Variants in ERI2 observed in about 807,000 individuals in gnomAD.
ERI2 encodes ERI1 exoribonuclease family member 2, also known as ERI1 exoribonuclease 2.
A neutral mutation model predicts 46.8 loss-of-function variants in ERI2; 35 were observed. The observed-to-expected ratio is 0.75, with a 90% CI of 0.57 to 0.99. The LOEUF (loss-of-function observed/expected upper bound fraction) is 0.99. ERI2 is among the 50% of genes least tolerant of loss of function. The probability of loss-of-function intolerance (pLI) is 0.00; values close to 1 mark genes in which losing one functional copy is unlikely to be tolerated. For synonymous variants in ERI2, 224 were observed against 271.0 expected, an observed-to-expected ratio of 0.83 and a Z score of 1.70; for missense variants, 695 against 796.2, an observed-to-expected ratio of 0.87 and a Z score of 1.53.
At position 20,797,927 on chromosome 16, in the gene ERI2, C is replaced by T. The variant is rs369970900; in HGVS notation, c.1873G>A (p.Gly625Arg). 124 of 1,551,702 alleles carry T rather than the reference C, an allele frequency of 8.0e-5. 2 individuals are homozygous for T. The Middle Eastern group carries it at 1.3e-3, about 17-fold the overall frequency. ...HGKVFYCCPI[G>R]KYQENRKCCG... is the part of the protein sequence containing the mutation. ...CATTTTCTGTTTTCTTGGTATTTCC[C>T]GATAGGGCAACAATAGAAGACTTTT... Residue 625 changes from glycine (G) to arginine (R), a missense_variant, in exon 9 of 9, where the codon GGG (glycine) becomes AGG (arginine). Coordinates refer to ENST00000357967, the MANE Select transcript of ERI2 (RefSeq NM_001142725.2).
chr16:20,792,387 T>A (rs764887199), downstream of ERI2: 1 of 1,603,356 alleles, frequency 6.2e-7, no homozygotes. Context: ...ATTTAACACA[T>A]ACTTACAAAC....
Position 20,796,614 on chromosome 16 carries a change from A to G in ERI2, c.*1110T>C. ...CCACATGTCCCAAACTGAACTGATGACATATGGGTAAGAATCAGAATCTTT... is the reference window on the plus strand; with the variant it reads ...CCACATGTCCCAAACTGAACTGATGGCATATGGGTAAGAATCAGAATCTTT... On this transcript the variant is annotated 3_prime_UTR_variant, in exon 9 of 9. Transcript: ENST00000357967. 6.5e-7 allele frequency: 1 copy of G among 1,528,766 alleles called. No individual in the cohort carries two copies. The highest frequency in any genetic ancestry group is 8.7e-7 in the Non-Finnish European group (1 of 1,147,988). The allele number at this position is 1,528,766 out of a possible 1,614,324, so 94.7% of individuals were successfully genotyped here. A position where few individuals can be genotyped will look rare whatever the true frequency, so the allele number is the denominator to read the frequency against.
chr16:20,781,151 G>C, intron 10 of ERI2: 1 of 1,612,880 alleles, frequency 6.2e-7, no homozygotes, highest in East Asian at 2.2e-5. Flanking sequence ...GCACAAAGAG[G>C]TCAATATTTA....
intron 4 of ERI2, among the ~76,000 whole-genome samples, chr16:20,801,583 CCCA>C (rs1009912241): frequency 1.4e-4 from 21 of 152,036 alleles, no homozygotes; most frequent in African/African-American, 5.1e-4. Context: ...ATATTTAGAA[CCCA>C]CCAAGGTAAG....
rs2080731887 is a variant in ERI2, at chr16:20,796,795, C to T, written c.*929G>A. 6.4e-6 allele frequency: 10 copies of T among 1,567,968 alleles called. No homozygotes were observed. In the South Asian group the frequency reaches 1.2e-4, roughly 19 times the overall value. ...ATTCCAAAGACTATTCTAATTCTTCCACCTAGAATTCATAATCAAACTGCT... is the reference window on the plus strand; with the variant it reads ...ATTCCAAAGACTATTCTAATTCTTCTACCTAGAATTCATAATCAAACTGCT... On this transcript the variant is annotated 3_prime_UTR_variant, in exon 9 of 9. Coordinates refer to ENST00000357967, the MANE Select transcript of ERI2 (RefSeq NM_001142725.2).
At chr16:20,791,460 T>G (rs2080595342), downstream of ERI2, among the ~76,000 whole-genome samples, 1 of 152,248 alleles carries the variant, frequency 6.6e-6, no homozygotes, top group South Asian at 2.1e-4. Context: ...TTGTAATCTA[T>G]CTAAGAAAAA....
At chr16:20,782,147 C>A (rs2080365344) in intron 10 of ERI2, among the ~76,000 whole-genome samples, 1 of 152,264 alleles carries the variant, frequency 6.6e-6, no homozygotes, top group East Asian at 1.9e-4. Flanking sequence ...GGATGCATAT[C>A]TTTTATTCTA....
At chr16:20,781,035 A>G (rs1374118718) in intron 10 of ERI2, 2 of 1,614,198 alleles carry the variant, frequency 1.2e-6, no homozygotes, top group South Asian at 2.2e-5. Flanking sequence ...GGGCTGGGCA[A>G]AGTCTGCATG....
At chr16:20,786,342 G>T in intron 10 of ERI2, 1 of 1,243,412 alleles carries the variant, frequency 8.0e-7, no homozygotes, top group Non-Finnish European at 1.1e-6. Flanking sequence ...CCATTATTTT[G>T]CAAATACCCA....
intron 10 of ERI2, among the ~76,000 whole-genome samples, chr16:20,786,517 C>CA (rs1187116830): frequency 6.6e-6 from 1 of 151,804 alleles, no homozygotes; most frequent in Non-Finnish European, 1.5e-5. Context: ...TTTGTCTCTA[C>CA]AAAAAAATAT....
exon 11 of ERI2, chr16:20,780,360 G>A: frequency 2.4e-6 from 1 of 416,740 alleles, no homozygotes; most frequent in South Asian, 3.0e-5. Context: ...GGGAGGGAAG[G>A]GGAAAATTCT....
At chr16:20,794,420 G>A (rs1229467454), downstream of ERI2, among the ~76,000 whole-genome samples, 1 of 152,146 alleles carries the variant, frequency 6.6e-6, no homozygotes, top group East Asian at 1.9e-4. Context: ...CATCCAATGC[G>A]ATAGCCATGC....
chr16:20,800,378 TCCAGGCAAACCCCCAAGTC>T lies in ERI2; in HGVS notation c.466_484del (p.Asp156SerfsTer10), dbSNP rs1275315581. 1 of 1,609,394 alleles carries T rather than the reference TCCAGGCAAACCCCCAAGTC, an allele frequency of 6.2e-7. No homozygotes were observed. ...CAGCTGCTTTCTTTTACACTCATAC[TCCAGGCAAACCCCCAAGTC>T]CCAGTCTGCATTAGGTACATTAAAA... On this transcript the variant is annotated frameshift_variant, in exon 6 of 9. Coordinates refer to ENST00000357967, the MANE Select transcript of ERI2 (RefSeq NM_001142725.2). LOFTEE classifies it high-confidence loss of function.
intron 10 of ERI2, among the ~76,000 whole-genome samples, chr16:20,788,332 G>A (rs2080520074): frequency 6.6e-6 from 1 of 152,254 alleles, no homozygotes; most frequent in Admixed American, 6.5e-5. Context: ...CAACATGCAT[G>A]GCTATCAGGG....
In ERI2 at chr16:20,790,526, A is replaced by T; in HGVS notation, c.815+324T>A. On this transcript the variant is annotated intron_variant, in intron 9 of 10. Coordinates refer to the ERI2 transcript ENST00000300005. The surrounding 1 kb of genome is among the most constrained non-coding windows in gnomAD (Gnocchi z 4.0). ...AGCCAAAATAAAACTTGCAAAGTTA[A>T]TATTTAAGCTGCGACATTAAACAAA... 6.8e-7 allele frequency: 1 copy of T among 1,469,014 alleles called. No homozygotes were observed. Among genetic ancestry groups the T allele is most frequent in the South Asian group, 1.2e-5 (1 of 83,706 alleles). The allele number at this position is 1,469,014 out of a possible 1,614,324, so 91.0% of individuals were successfully genotyped here. A position where few individuals can be genotyped will look rare whatever the true frequency, so the allele number is the denominator to read the frequency against.
intron 1 of ERI2, chr16:20,806,086 C>A: frequency 2.4e-6 from 3 of 1,258,470 alleles, no homozygotes; most frequent in Non-Finnish European, 3.0e-6. Context: ...AGACCTCCAA[C>A]CAGTCTGCAG....
At chr16:20,799,829 TTTAGA>T (rs1157430112) in intron 7 of ERI2, 123 bp downstream of exon 7, 11 of 613,474 alleles carry the variant, frequency 1.8e-5, no homozygotes, top group East Asian at 2.8e-5. Flanking sequence ...ATGTGAATTG[TTTAGA>T]TTAGGAGTTT....
chr16:20,782,279 G>A (rs921727223), intron 10 of ERI2, among the ~76,000 whole-genome samples: 3 of 152,110 alleles, frequency 2.0e-5, no homozygotes, highest in African/African-American at 7.2e-5. Context: ...TTGGGAAACA[G>A]GTGGTGTTTG....
intron 10 of ERI2, among the ~76,000 whole-genome samples, chr16:20,783,812 AT>A (rs35116517): frequency 8.1e-5 from 12 of 147,292 alleles, no homozygotes; most frequent in South Asian, 2.1e-4. Flanking sequence ...CCCCGTCTCA[AT>A]TTTTTTTTTT....
Sources: allele counts gnomAD v4.1 joint callset (sites outside exome capture counted in the v4.1 genomes callset), GRCh38; gene constraint gnomAD v4.1.1; non-coding constraint Gnocchi (gnomAD v3.1); transcripts MANE v1.5; gene names NCBI Gene and HGNC (gene_info 2026-07-23, HGNC 2026-07-21).